Variants in ATP13A5 observed in about 807,000 individuals in gnomAD.
The protein encoded by ATP13A5 is ATPase 13A5, also known as probable cation-transporting ATPase 13A5.
In ATP13A5, 149 loss-of-function variants were observed where a neutral mutation model predicts 150.2. The observed-to-expected ratio is 0.99, with a 90% CI of 0.87 to 1.14. The LOEUF is 1.14. ATP13A5 is among the 50% of genes most tolerant of loss of function. The pLI is 0.00. For missense variants in ATP13A5, 1,383 were observed against 1,449.3 expected (o/e 0.95, Z 0.74); for synonymous variants, 497 against 522.2 (o/e 0.95, Z 0.66).
rs1263225956 is a variant in ATP13A5, at chr3:193,378,671, C to T, written c.55G>A (p.Asp19Asn). ...ATAAAGGGAAGACTCACCAGTTCAT[C>T]CTCCTCTCCCTGGTTGAGCAAAGCC... is the stretch of plus-strand genomic sequence containing the variant. ...HRALLNQGEE[D>N]ELEVFGYRDH... Residue 19 changes from aspartate (D) to asparagine (N), a missense_variant, in exon 1 of 30, where the codon GAT (aspartate) becomes AAT (asparagine). Around this residue, in one of 3 missense-constraint regions of ATP13A5, gnomAD observed 787 missense variants for 771.9 expected, o/e 1.02. Coordinates refer to ENST00000342358, the MANE Select transcript of ATP13A5 (RefSeq NM_198505.4). The T allele has an allele frequency of 2.5e-6, 4 of 1,613,624 alleles. No individual in the cohort carries two copies. Among genetic ancestry groups the T allele is most frequent in the Non-Finnish European group, 3.4e-6 (4 of 1,179,666 alleles).
At chr3:193,368,659 C>T (rs111928025) in intron 1 of ATP13A5, among the ~76,000 whole-genome samples, 278 of 152,182 alleles carry the variant, frequency 1.8e-3, no homozygotes, top group African/African-American at 6.4e-3. Flanking sequence ...AGAAAGGAGC[C>T]ACTGCAATCT....
chr3:193,308,541 T>C (rs1051158045), intron 21 of ATP13A5, among the ~76,000 whole-genome samples: 32 of 152,214 alleles, frequency 2.1e-4, no homozygotes, highest in African/African-American at 7.5e-4. Context: ...AATCATGCTA[T>C]ATATGTTCAT....
intron 12 of ATP13A5, among the ~76,000 whole-genome samples, chr3:193,328,303 TCACAAAGAAGGTG>T (rs1377807068): frequency 1.2e-4 from 19 of 152,242 alleles, no homozygotes; most frequent in Admixed American, 1.2e-3. Context: ...TATTTGAACT[TCACAAAGAAGGTG>T]CTAACACACG....
At chr3:193,275,396 T>C in intron 29 of ATP13A5, 94 bp from the exon 30 acceptor site, 1 of 1,431,674 alleles carries the variant, frequency 7.0e-7, no homozygotes, top group Non-Finnish European at 9.5e-7. Flanking sequence ...TCCCCAGGCC[T>C]TCCTCTGAGG....
At chr3:193,347,785 C>G (rs896268122) in intron 7 of ATP13A5, among the ~76,000 whole-genome samples, 1 of 152,132 alleles carries the variant, frequency 6.6e-6, no homozygotes, top group Non-Finnish European at 1.5e-5. Flanking sequence ...TCTAATCCTT[C>G]TCATAAAGGC....
intron 1 of ATP13A5, among the ~76,000 whole-genome samples, chr3:193,368,821 A>G (rs1713343482): frequency 6.6e-6 from 1 of 152,206 alleles, no homozygotes; most frequent in African/African-American, 2.4e-5. Context: ...TGTAAATGTG[A>G]CAACTGAAAC....
At chr3:193,275,572 T>C (rs1172709397) in intron 29 of ATP13A5, among the ~76,000 whole-genome samples, 1 of 151,866 alleles carries the variant, frequency 6.6e-6, no homozygotes, top group Non-Finnish European at 1.5e-5. Context: ...TTAGAATGAT[T>C]TTCCCCTCAG....
At chr3:193,302,157 G>A (rs1050175124) in intron 23 of ATP13A5, among the ~76,000 whole-genome samples, 1 of 152,122 alleles carries the variant, frequency 6.6e-6, no homozygotes, top group African/African-American at 2.4e-5. Context: ...CTACTCCCCA[G>A]TAACATGGAC....
At chr3:193,294,833 A>G (rs565142456) in intron 25 of ATP13A5, among the ~76,000 whole-genome samples, 2 of 152,258 alleles carry the variant, frequency 1.3e-5, no homozygotes, top group East Asian at 3.9e-4. Flanking sequence ...CCTAGCTCAA[A>G]CATGCTCACA....
At chr3:193,343,291 A>G (rs549387547) in intron 9 of ATP13A5, among the ~76,000 whole-genome samples, 106 of 152,206 alleles carry the variant, frequency 7.0e-4, no homozygotes, top group Non-Finnish European at 1.3e-3. Context: ...TATAAGTAGT[A>G]TCTTACTAAT....
chr3:193,276,953 G>T, intron 28 of ATP13A5, 123 bp from the exon 29 acceptor site: 1 of 725,754 alleles, frequency 1.4e-6, no homozygotes, highest in Non-Finnish European at 2.3e-6. Flanking sequence ...GCATTACTTT[G>T]TCCCTTTACA....
chr3:193,365,452 T>A (rs1713204452), intron 1 of ATP13A5, among the ~76,000 whole-genome samples: 1 of 152,152 alleles, frequency 6.6e-6, no homozygotes. Context: ...AAGTTAGAAA[T>A]ATGCATTCAC....
intron 6 of ATP13A5, among the ~76,000 whole-genome samples, chr3:193,352,612 C>T (rs746229972): frequency 7.2e-5 from 11 of 151,820 alleles, no homozygotes; most frequent in African/African-American, 1.2e-4. Context: ...ACGTACTTGA[C>T]GTTTAAAAAG....
chr3:193,320,837 T>C (rs1719243585), intron 16 of ATP13A5, among the ~76,000 whole-genome samples: 2 of 152,206 alleles, frequency 1.3e-5, no homozygotes, highest in African/African-American at 4.8e-5. Flanking sequence ...AGTGCATATG[T>C]TTATAAGACT....
In ATP13A5 at chr3:193,331,289, G is replaced by A. The variant is rs748811592; in HGVS notation, c.1295C>T (p.Thr432Ile). ...YHGVPPKDTV[T>I]MALILLTVTV... ...CACGGTGAGGAGGATCAGGGCCATG[G>A]TCACAGTATCTTTTGGAGGAACCTG... is the stretch of plus-strand genomic sequence containing the variant. The change falls in exon 12 of 30, where the codon ACC becomes ATC. Residue 432 changes from threonine to isoleucine, a missense_variant. By Grantham distance (89) the Thr-to-Ile change is moderately conservative (BLOSUM62 -1). Around this residue, in one of 3 missense-constraint regions of ATP13A5, gnomAD observed 787 missense variants for 771.9 expected, o/e 1.02. Coordinates refer to ENST00000342358, the MANE Select transcript of ATP13A5 (RefSeq NM_198505.4). 6.2e-7 allele frequency: 1 copy of A among 1,613,568 alleles called. No homozygotes were observed. Among genetic ancestry groups the A allele is most frequent in the South Asian group, 1.1e-5 (1 of 91,022 alleles).
chr3:193,300,740 CCTGA>C (rs1228568658), intron 24 of ATP13A5, among the ~76,000 whole-genome samples: 1 of 151,946 alleles, frequency 6.6e-6, no homozygotes, highest in African/African-American at 2.4e-5. Flanking sequence ...TAATGATATC[CCTGA>C]CTGTATAAAT....
At position 193,290,034 on chromosome 3, in the gene ATP13A5, C is replaced by G. The variant is rs1244278541; in HGVS notation, c.2874G>C (p.Lys958Asn). 2 of 1,609,196 alleles carry G rather than the reference C, an allele frequency of 1.2e-6. No individual in the cohort carries two copies. The highest frequency in any genetic ancestry group is 2.2e-5 in the East Asian group (1 of 44,818). Residue 958 changes from lysine (K) to asparagine (N), a missense_variant, in exon 26 of 30, where the codon AAG becomes AAC. Lys to Asn is a moderately conservative substitution (Grantham distance 94). Coordinates refer to ENST00000342358, the MANE Select transcript of ATP13A5 (RefSeq NM_198505.4). ...GTCCTGCTGGTCTATATGGAGCCAG[C>G]TTTGGGTAGGCATGAGTTGAACTCA... ...LTMSSTHAYP[K>N]LAPYRPAGQL...
At chr3:193,311,982 G>A in intron 19 of ATP13A5, 41 bp from the exon 20 acceptor site, 1 of 1,604,928 alleles carries the variant, frequency 6.2e-7, no homozygotes, top group Non-Finnish European at 8.5e-7. Context: ...GACTCCTAAG[G>A]AGTGTCTCTG....
At chr3:193,285,171 G>T in intron 26 of ATP13A5, 55 bp from the exon 27 acceptor site, 2 of 1,443,730 alleles carry the variant, frequency 1.4e-6, no homozygotes, top group Non-Finnish European at 1.9e-6. Flanking sequence ...TTGTCCATTA[G>T]GTGAAAAAAA....
Sources: allele counts gnomAD v4.1 joint callset (sites outside exome capture counted in the v4.1 genomes callset), GRCh38; gene constraint gnomAD v4.1.1; regional missense constraint gnomAD v4.1.1; transcripts MANE v1.5; gene names NCBI Gene and HGNC (gene_info 2026-07-23, HGNC 2026-07-21).